Variants in COL23A1 observed in about 807,000 individuals in gnomAD.
COL23A1 encodes collagen alpha-1(XXIII) chain.
COL23A1 carries 97 observed loss-of-function variants against 99.3 expected under a neutral mutation model. The observed-to-expected ratio is 0.98, with a 90% CI of 0.83 to 1.16. The LOEUF (loss-of-function observed/expected upper bound fraction) is 1.16. Ranked by LOEUF, COL23A1 falls within the 50% of genes most tolerant of loss-of-function variation. The pLI, the probability that COL23A1 is intolerant of heterozygous loss-of-function variation, is 0.00. For missense variants in COL23A1, 762 were observed against 757.4 expected, an observed-to-expected ratio of 1.01 and a Z score of -0.07; for synonymous variants, 320 against 308.2, an observed-to-expected ratio of 1.04 and a Z score of -0.40.
chr5:178,380,631 G>A (rs532455048), intron 2 of COL23A1, among the ~76,000 whole-genome samples: 9 of 152,298 alleles, frequency 5.9e-5, no homozygotes, highest in African/African-American at 1.9e-4. Context: ...ACCAGAATGA[G>A]TGAATGGGAA....
At chr5:178,438,716 A>G (rs894623997) in intron 2 of COL23A1, 3 of 109,600 alleles carry the variant, frequency 2.7e-5, no homozygotes, top group African/African-American at 1.8e-4. Context: ...ATTGAGAAGG[A>G]AAAAAAAAAG....
chr5:178,487,487 A>C (rs1392710396), intron 2 of COL23A1, among the ~76,000 whole-genome samples: 1 of 151,944 alleles, frequency 6.6e-6, no homozygotes, highest in Non-Finnish European at 1.5e-5. Context: ...TGCTCAGCTA[A>C]TTTTTGTATC....
intron 2 of COL23A1, among the ~76,000 whole-genome samples, chr5:178,436,251 T>C (rs958878847): frequency 3.1e-4 from 47 of 152,260 alleles, no homozygotes; most frequent in African/African-American, 1.1e-3. Context: ...CAAACCCAGA[T>C]GTCTGGTGTT....
intron 2 of COL23A1, among the ~76,000 whole-genome samples, chr5:178,504,150 A>G (rs867358121): frequency 6.4e-4 from 97 of 152,176 alleles, no homozygotes; most frequent in African/African-American, 2.2e-3. Flanking sequence ...AATGAGTCAC[A>G]TATCTTCTTT....
rs1479753424 is a variant in COL23A1, at chr5:178,590,158, C to T, written c.40G>A (p.Gly14Arg). Residue 14 changes from glycine to arginine, a missense_variant, in exon 1 of 29, where the codon GGG becomes AGG. Coordinates refer to ENST00000390654, the MANE Select transcript of COL23A1 (RefSeq NM_173465.4). This position sits in a 1 kb window ranked among gnomAD's most constrained non-coding sequence, Gnocchi z 5.7. ...CCGCCGCCCGCCGCATTGCCCTTCCCCGCGTCGCCGCCGCCACCGGCGCGC... is the reference window on the plus strand; with the variant it reads ...CCGCCGCCCGCCGCATTGCCCTTCCTCGCGTCGCCGCCGCCACCGGCGCGC... ...GERAGGGGDA[G>R]KGNAAGGGGG... 1.6e-6 allele frequency: 2 copies of T among 1,225,312 alleles called. No homozygotes were observed. Among genetic ancestry groups the T allele is most frequent in the East Asian group, 3.4e-5 (1 of 29,284 alleles). The allele number at this position is 1,225,312 out of a possible 1,614,324, so 75.9% of individuals were successfully genotyped here.
chr5:178,338,794 G>A (rs1256762205), intron 2 of COL23A1, among the ~76,000 whole-genome samples: 1 of 152,188 alleles, frequency 6.6e-6, no homozygotes, highest in African/African-American at 2.4e-5. Flanking sequence ...AGAAGAGAGG[G>A]CGACCAAGTG....
chr5:178,454,178 C>G (rs1389706590), intron 2 of COL23A1, among the ~76,000 whole-genome samples: 1 of 151,420 alleles, frequency 6.6e-6, no homozygotes, highest in African/African-American at 2.4e-5. Context: ...TCTAAAATAC[C>G]CTGCCCACCC....
chr5:178,238,749 C>T (rs369876153), intron 28 of COL23A1, 49 bp from the exon 29 acceptor site: 63 of 1,611,820 alleles, frequency 3.9e-5, no homozygotes, highest in East Asian at 1.1e-4. Flanking sequence ...CGAGAAGCTC[C>T]GCCCCCATCC....
intron 2 of COL23A1, among the ~76,000 whole-genome samples, chr5:178,364,035 G>A (rs141086050): frequency 0.016 from 2,447 of 152,302 alleles, 41 homozygotes; most frequent in Admixed American, 0.027. Context: ...AGGTAAAAGT[G>A]GCAATCCAGG....
chr5:178,389,610 G>A (rs1392269585), intron 2 of COL23A1, among the ~76,000 whole-genome samples: 5 of 152,206 alleles, frequency 3.3e-5, no homozygotes, highest in African/African-American at 4.8e-5. Flanking sequence ...CCCCCAAGTC[G>A]TAGAAGTGGA....
At chr5:178,433,506 C>T (rs1766379493) in intron 2 of COL23A1, among the ~76,000 whole-genome samples, 1 of 152,096 alleles carries the variant, frequency 6.6e-6, no homozygotes, top group African/African-American at 2.4e-5. Context: ...CACAGTTGAT[C>T]AGATCATTGG....
intron 1 of COL23A1, among the ~76,000 whole-genome samples, chr5:178,574,987 T>C (rs934886308): frequency 2.6e-5 from 4 of 152,184 alleles, no homozygotes; most frequent in African/African-American, 4.8e-5. Flanking sequence ...TAACTAGCAA[T>C]CTTCATCCTG....
chr5:178,455,341 G>T (rs1276505961), intron 2 of COL23A1, among the ~76,000 whole-genome samples: 5 of 152,138 alleles, frequency 3.3e-5, no homozygotes, highest in Admixed American at 6.5e-5. Flanking sequence ...TGGGGGCCAG[G>T]CCACAGGCAC....
intron 2 of COL23A1, among the ~76,000 whole-genome samples, chr5:178,477,893 C>A (rs1757118948): frequency 6.6e-6 from 1 of 152,196 alleles, no homozygotes; most frequent in African/African-American, 2.4e-5. Context: ...GAGTGATTGA[C>A]CCCATTTCAC....
chr5:178,264,601 G>C (rs1354894297), intron 8 of COL23A1, among the ~76,000 whole-genome samples: 1 of 152,144 alleles, frequency 6.6e-6, no homozygotes, highest in Non-Finnish European at 1.5e-5. Context: ...CAACCCTCTT[G>C]TAACAAAGAA....
intron 2 of COL23A1, among the ~76,000 whole-genome samples, chr5:178,504,585 G>A (rs1272550838): frequency 6.6e-6 from 1 of 152,194 alleles, no homozygotes; most frequent in Non-Finnish European, 1.5e-5. Flanking sequence ...GCTGCGATGT[G>A]GACTGGAAGT....
chr5:178,339,040 G>A (rs1343811689), intron 2 of COL23A1, among the ~76,000 whole-genome samples: 2 of 152,186 alleles, frequency 1.3e-5, no homozygotes, highest in African/African-American at 4.8e-5. Context: ...CCAGCCTCCA[G>A]AGGAGTGCTC....
At chr5:178,297,888 TGGCTGCCACA>T (rs1757831029) in intron 3 of COL23A1, among the ~76,000 whole-genome samples, 1 of 152,162 alleles carries the variant, frequency 6.6e-6, no homozygotes, top group Admixed American at 6.5e-5. Flanking sequence ...GTTTGTGCTG[TGGCTGCCACA>T]GCCTCTGGAG....
intron 2 of COL23A1, among the ~76,000 whole-genome samples, chr5:178,490,360 C>T (rs1233885192): frequency 1.3e-5 from 2 of 151,834 alleles, no homozygotes; most frequent in East Asian, 1.9e-4. Flanking sequence ...GGATAAATAC[C>T]GTAGAATTCC....
Sources: gnomAD v4.1 joint callset for allele counts (sites outside exome capture counted in the v4.1 genomes callset) on GRCh38, gnomAD v4.1.1 for gene constraint, Gnocchi (gnomAD v3.1) non-coding constraint, MANE v1.5 for transcripts, NCBI Gene and HGNC (gene_info 2026-07-23, HGNC 2026-07-21) for gene names.